FLACC1: variants seen among roughly 807,000 people sequenced by gnomAD.
FLACC1 encodes flagellum-associated coiled-coil domain-containing protein 1.
In FLACC1, 66 loss-of-function variants were observed where a neutral mutation model predicts 62.8. The observed-to-expected ratio is 1.05, with a 90% confidence interval of 0.86 to 1.29. The LOEUF is 1.29. FLACC1 is among the 50% of genes most tolerant of loss of function. The pLI is 0.00. For synonymous variants in FLACC1, 156 were observed against 161.0 expected, an observed-to-expected ratio of 0.97 and a Z score of 0.24; for missense variants, 452 against 489.1, an observed-to-expected ratio of 0.92 and a Z score of 0.71.
chr2:201,321,490 C>A (rs953324143), intron 9 of FLACC1, among the ~76,000 whole-genome samples: 4 of 152,130 alleles, frequency 2.6e-5, no homozygotes, highest in Non-Finnish European at 5.9e-5. Context: ...ACAGACAACC[C>A]CCCCACCCAT....
chr2:201,344,048 G>A, intron 6 of FLACC1, 122 bp downstream of exon 6: 1 of 770,666 alleles, frequency 1.3e-6, no homozygotes, highest in Non-Finnish European at 2.1e-6. Flanking sequence ...TTAGGGTCCT[G>A]TCACCTGGAC....
chr2:201,321,772 G>A (rs939080594), intron 9 of FLACC1, among the ~76,000 whole-genome samples: 2 of 152,108 alleles, frequency 1.3e-5, no homozygotes, highest in African/African-American at 2.4e-5. Flanking sequence ...TGCTAACCTG[G>A]CAGGGGAGCT....
chr2:201,289,933 C>T (rs1949694338), intron 12 of FLACC1, 148 bp from the exon 13 acceptor site: 2 of 1,400,124 alleles, frequency 1.4e-6, no homozygotes, highest in Admixed American at 1.9e-5. Flanking sequence ...GTCCTGCCTC[C>T]TCTCTGTCTC....
intron 10 of FLACC1, among the ~76,000 whole-genome samples, chr2:201,308,732 T>G (rs1950155582): frequency 1.3e-5 from 2 of 152,178 alleles, no homozygotes; most frequent in South Asian, 2.1e-4. Flanking sequence ...ATATAGAAGC[T>G]CTCAGTATAA....
chr2:201,348,975 T>C (rs1950972147), intron 3 of FLACC1, among the ~76,000 whole-genome samples: 1 of 152,214 alleles, frequency 6.6e-6, no homozygotes, highest in Non-Finnish European at 1.5e-5. Flanking sequence ...GAAGGACCTT[T>C]GTGATTACAT....
At chr2:201,299,823 C>T (rs543131759) in intron 11 of FLACC1, among the ~76,000 whole-genome samples, 2 of 152,284 alleles carry the variant, frequency 1.3e-5, no homozygotes, top group East Asian at 3.9e-4. Flanking sequence ...AATAGTCAAA[C>T]AGAACGGAGA....
At chr2:201,302,651 C>G (rs945758908) in intron 11 of FLACC1, among the ~76,000 whole-genome samples, 2 of 152,162 alleles carry the variant, frequency 1.3e-5, no homozygotes, top group African/African-American at 2.4e-5. Context: ...CCACATCACA[C>G]GTATTCCAAA....
intron 12 of FLACC1, among the ~76,000 whole-genome samples, chr2:201,298,313 A>G (rs748178026): frequency 2.6e-5 from 4 of 152,200 alleles, no homozygotes; most frequent in Non-Finnish European, 5.9e-5. Flanking sequence ...TTTCCAGGCA[A>G]CTTAACTGCA....
chr2:201,292,043 C>T (rs1273947013), intron 12 of FLACC1, among the ~76,000 whole-genome samples: 5 of 151,314 alleles, frequency 3.3e-5, no homozygotes, highest in African/African-American at 7.4e-5. Context: ...ACCAAATCTA[C>T]GTCTGATTGG....
intron 9 of FLACC1, among the ~76,000 whole-genome samples, chr2:201,310,707 C>T (rs1272425835): frequency 1.3e-5 from 2 of 151,950 alleles, no homozygotes; most frequent in East Asian, 3.9e-4. Flanking sequence ...GGCAATTTGG[C>T]CATATATATT....
intron 7 of FLACC1, among the ~76,000 whole-genome samples, chr2:201,333,521 A>G (rs1185273097): frequency 6.6e-6 from 1 of 151,442 alleles, no homozygotes; most frequent in African/African-American, 2.4e-5. Context: ...GTCATTTAGC[A>G]TTAGGTATAT....
chr2:201,295,538 G>C (rs559322584), intron 12 of FLACC1, among the ~76,000 whole-genome samples: 1 of 152,236 alleles, frequency 6.6e-6, no homozygotes, highest in South Asian at 2.1e-4. Context: ...TTAAATGTTA[G>C]ACCTAAAACC....
At chr2:201,330,869 A>G (rs994048933) in intron 7 of FLACC1, 36 bp from the exon 8 acceptor site, 12 of 1,576,306 alleles carry the variant, frequency 7.6e-6, no homozygotes, top group African/African-American at 5.4e-5. Context: ...AATCATTAGT[A>G]AAAAGAAGTC....
chr2:201,292,994 C>T (rs981085149), intron 12 of FLACC1, among the ~76,000 whole-genome samples: 6 of 152,218 alleles, frequency 3.9e-5, no homozygotes, highest in Middle Eastern at 3.4e-3. Flanking sequence ...TATATGCACC[C>T]AATACAGGAG....
At chr2:201,327,603 C>T (rs971378423) in intron 9 of FLACC1, among the ~76,000 whole-genome samples, 1 of 152,094 alleles carries the variant, frequency 6.6e-6, no homozygotes. Context: ...ATTAAAACCA[C>T]AATGAGATAC....
At chr2:201,348,073 A>C (rs1416329034) in intron 4 of FLACC1, 181 bp downstream of exon 4, 1 of 524,110 alleles carries the variant, frequency 1.9e-6, no homozygotes, top group Non-Finnish European at 3.3e-6. Context: ...AGCTGAGCTG[A>C]GTTCAAGTCG....
In FLACC1 at chr2:201,299,231, A is replaced by G. The variant is rs1316103522; in HGVS notation, c.942+7T>C. On this transcript the variant is annotated splice_region_variant and intron_variant, in intron 12 of 14. Transcript: ENST00000392257. ...CCAAGTCCACAGGAAAGGATGAAAA[A>G]GCTTACCTCTTTGGTTTTTCTCAGC... is the stretch of plus-strand genomic sequence containing the variant. The G allele has an allele frequency of 7.4e-6, 12 of 1,613,032 alleles. No individual in the cohort carries two copies. Among genetic ancestry groups the G allele is most frequent in the Non-Finnish European group, 9.3e-6 (11 of 1,179,448 alleles).
At chr2:201,305,732 C>T (rs1439994685) in intron 11 of FLACC1, among the ~76,000 whole-genome samples, 1 of 152,206 alleles carries the variant, frequency 6.6e-6, no homozygotes, top group Non-Finnish European at 1.5e-5. Context: ...GGCACATATA[C>T]ACCATGGAAT....
chr2:201,293,996 C>T (rs915494857), intron 12 of FLACC1, among the ~76,000 whole-genome samples: 21 of 152,106 alleles, frequency 1.4e-4, no homozygotes, highest in African/African-American at 4.1e-4. Context: ...CCTGAATAGA[C>T]CAATAACAGG....
Sources: gnomAD v4.1 joint callset for allele counts (sites outside exome capture counted in the v4.1 genomes callset) on GRCh38, gnomAD v4.1.1 for gene constraint, MANE v1.5 for transcripts, NCBI Gene and HGNC (gene_info 2026-07-23, HGNC 2026-07-21) for gene names.